The following PKD1 variants were observed in gnomAD, a reference collection of about 807,000 sequenced individuals.
PKD1 encodes the protein polycystin 1, transient receptor potential channel interacting, also known as polycystin-1.
Under a neutral mutation model 361.7 loss-of-function variants are expected in PKD1, and 81 were observed. That is an observed-to-expected ratio of 0.22 (90% CI 0.19 to 0.27). The LOEUF is 0.27. Among genes scored for constraint, PKD1 ranks in the 10% least tolerant of loss-of-function variants. PKD1 has a pLI of 1.00. For missense variants in PKD1, 6,399 were observed against 6,118.3 expected (o/e 1.05, Z -1.53); for synonymous variants, 3,615 against 2,818.3 (o/e 1.28, Z -8.95).
intron 34 of PKD1, chr16:2,094,972 C>G (rs1039583781): frequency 6.6e-6 from 1 of 152,176 alleles, no homozygotes; most frequent in African/African-American, 2.4e-5. Context: ...TGCTGTCTCT[C>G]GGAGGATAAA....
chr16:2,101,999 G>C (rs1320477294), intron 26 of PKD1, 62 bp downstream of exon 26: 10 of 1,057,262 alleles, frequency 9.5e-6, no homozygotes, highest in Middle Eastern at 2.9e-4. Flanking sequence ...CACTCCCAGA[G>C]GGTGCAACCA....
Position 2,109,079 on chromosome 16 carries a change from G to A in PKD1, c.6088C>T (p.Pro2030Ser), listed in dbSNP as rs372969038. Residue 2030 changes from proline (P) to serine (S), a missense_variant, in exon 15 of 46, where the codon CCC (proline) becomes TCC (serine). Pro to Ser is a moderately conservative substitution (Grantham distance 74, BLOSUM62 -1). Coordinates refer to ENST00000262304, the MANE Select transcript of PKD1 (RefSeq NM_001009944.3). Reference sequence around the variant, plus strand: ...ATCTCCAACAGCCCCGCGGCCACGGGCGTGTAGGTGACGTCGCGGCCCGAC... The same window carrying A: ...ATCTCCAACAGCCCCGCGGCCACGGACGTGTAGGTGACGTCGCGGCCCGAC... ...ILSGRDVTYT[P>S]VAAGLLEIQV... The A allele has an allele frequency of 9.3e-6, 15 of 1,604,412 alleles. No individual in the cohort carries two copies. Among genetic ancestry groups the A allele is most frequent in the Non-Finnish European group, 1.2e-5 (14 of 1,174,282 alleles).
intron 26 of PKD1, 146 bp downstream of exon 26, chr16:2,101,915 T>C (rs1446165662): frequency 1.2e-5 from 8 of 668,836 alleles, no homozygotes; most frequent in Non-Finnish European, 2.2e-5. Context: ...CACGAGGTCA[T>C]TCCCAGGATG....
Position 2,090,763 on chromosome 16 carries a change from T to C in PKD1, c.12049A>G (p.Lys4017Glu), listed in dbSNP as rs1174872685. ...RFVRQWSVFG[K>E]TLCRALPELL... is the part of the protein sequence containing the mutation. ...TCTGGCAGAGCTCGGCATAATGTCT[T>C]GCCAAAGACGGACCACTGGCGCACG... is the stretch of plus-strand genomic sequence containing the variant. The change falls in exon 44 of 46, where the codon AAG (lysine) becomes GAG (glutamate). Residue 4017 changes from lysine (K) to glutamate (E), a missense_variant. By Grantham distance (56) the Lys-to-Glu change is moderately conservative. Transcript: ENST00000262304. 4 of 1,612,600 alleles carry C rather than the reference T, an allele frequency of 2.5e-6. No homozygotes were observed. The South Asian group carries it at 4.4e-5, about 18-fold the overall frequency.
intron 10 of PKD1, 73 bp downstream of exon 10, chr16:2,115,305 C>T: frequency 1.4e-6 from 2 of 1,395,732 alleles, no homozygotes; most frequent in Non-Finnish European, 2.0e-6. Context: ...GTGCACAGAC[C>T]CAGACCCTGG....
chr16:2,130,935 G>C (rs933732530), intron 1 of PKD1, among the ~76,000 whole-genome samples: 123 of 152,222 alleles, frequency 8.1e-4, no homozygotes, highest in Non-Finnish European at 1.7e-3. Context: ...CCCCCAGCCA[G>C]GGTGAGTGGC....
Position 2,108,586 on chromosome 16 carries a change from C to A in PKD1, c.6581G>T (p.Ser2194Ile), listed in dbSNP as rs746345610. ...CGCTGGGCGCCCCGGCCGCTGGCAG[C>A]TGGCGGTGCGATACACCTCCCAGCG... ...EYRWEVYRTASCQRPGRPARV... is the reference protein window; with the variant it reads ...EYRWEVYRTAICQRPGRPARV... Residue 2194 changes from serine to isoleucine, a missense_variant, in exon 15 of 46, where the codon AGC (serine) becomes ATC (isoleucine). Physicochemically the swap from Ser to Ile is moderately radical, Grantham distance 142. Transcript: ENST00000262304. The A allele has an allele frequency of 2.6e-6, 4 of 1,558,622 alleles. 1 individual carries two copies. The South Asian group carries it at 4.7e-5, about 18-fold the overall frequency.
At position 2,114,262 on chromosome 16, in the gene PKD1, T is replaced by C; in HGVS notation, c.2761A>G (p.Asn921Asp). Residue 921 changes from asparagine (N) to aspartate (D), a missense_variant, in exon 11 of 46, where the codon AAC (asparagine) becomes GAC (aspartate). By Grantham distance (23) the Asn-to-Asp change is conservative (BLOSUM62 1). Transcript: ENST00000262304. ...TCCGCCGTCACCCGCAGGCTGAGGT[T>C]GGCCCGGCTGGCGCTGTTTTCCACC... ...VVVENSASRANLSLRVTAEEP... is the reference protein window; with the variant it reads ...VVVENSASRADLSLRVTAEEP... The C allele has an allele frequency of 1.9e-6, 3 of 1,610,356 alleles. No homozygotes were observed. The highest frequency in any genetic ancestry group is 2.5e-6 in the Non-Finnish European group (3 of 1,179,626).
intron 38 of PKD1, 123 bp downstream of exon 38, chr16:2,092,831 A>T: frequency 8.2e-7 from 1 of 1,215,386 alleles, no homozygotes; most frequent in Non-Finnish European, 1.2e-6. Context: ...TGCCAGCAGC[A>T]CCTACCTCCA....
Position 2,102,933 on chromosome 16 carries a change from T to G in PKD1, c.8829A>C (p.Ala2943=). ...YLSEEPEPYL[A]VYLHSEPRPN... ...GCCGGGGCTCCGAGTGTAGGTAGAC[T>G]GCCAGGTAGGGCTCAGGTTCCTCAG... The change falls in exon 24 of 46, where the codon GCA becomes GCC. Residue 2943 remains alanine (A), a synonymous_variant. Transcript: ENST00000262304. 4 of 1,608,612 alleles carry G rather than the reference T, an allele frequency of 2.5e-6. No homozygotes were observed. Among genetic ancestry groups the G allele is most frequent in the Non-Finnish European group, 3.4e-6 (4 of 1,179,760 alleles).
rs755484175 is a variant in PKD1, at chr16:2,089,683, G to A, written c.*44C>T. The A allele has an allele frequency of 6.5e-6, 10 of 1,549,834 alleles. No homozygotes were observed. In the East Asian group the frequency reaches 2.2e-4, roughly 34 times the overall value. ...CAGCGGCAGAAAGTAATACTGAGCG[G>A]TGTCCACTCCGACTCCACGGCCCAC... On this transcript the variant is annotated 3_prime_UTR_variant, in exon 46 of 46. Transcript: ENST00000262304.
intron 1 of PKD1, among the ~76,000 whole-genome samples, chr16:2,120,536 T>C (rs967101900): frequency 6.6e-6 from 1 of 152,058 alleles, no homozygotes. Context: ...ACCCCATCTC[T>C]ACAAGGAAAA....
rs540275332 is a variant in PKD1 at position 2,093,498 on chromosome 16, G to C, written c.11016+46C>G. The C allele has an allele frequency of 2.6e-6, 4 of 1,534,510 alleles. No homozygotes were observed. In the Admixed American group the frequency reaches 7.6e-5, roughly 29 times the overall value. On this transcript the variant is annotated intron_variant, in intron 37 of 45. Coordinates refer to ENST00000262304, the MANE Select transcript of PKD1 (RefSeq NM_001009944.3). The stretch of plus-strand genomic sequence containing the variant: ...CTGCGTGCATGGGTGGGAGGTGGGA[G>C]ACAAGAGACGGAGGTGGCAGGGGCA...
At chr16:2,129,537 T>C (rs1419369762) in intron 1 of PKD1, among the ~76,000 whole-genome samples, 2 of 145,508 alleles carry the variant, frequency 1.4e-5, no homozygotes, top group African/African-American at 2.6e-5. Context: ...GTTCAGATCC[T>C]GTGATTTTTT....
chr16:2,099,860 C>A lies in PKD1; in HGVS notation c.9923+1G>T, dbSNP rs769468612. On this transcript the variant is annotated splice_donor_variant, in intron 29 of 45. Coordinates refer to ENST00000262304, the MANE Select transcript of PKD1 (RefSeq NM_001009944.3). LOFTEE classifies it high-confidence loss of function. ...GCTGCCCCGACCCCTACGGCACCCA[C>A]CTGTAGGCAGAGTCGCCAACAGCCC... 6.4e-7 allele frequency: 1 copy of A among 1,566,002 alleles called. No individual in the cohort carries two copies. The highest frequency in any genetic ancestry group is 8.6e-7 in the Non-Finnish European group (1 of 1,156,580).
At chr16:2,092,890 G>T (rs1231857315) in intron 38 of PKD1, 64 bp downstream of exon 38, 2 of 1,588,236 alleles carry the variant, frequency 1.3e-6, no homozygotes, top group African/African-American at 1.3e-5. Context: ...GTCCCCTAGG[G>T]TCTGGCTGGA....
chr16:2,103,463 C>G lies in PKD1; in HGVS notation c.8594G>C (p.Arg2865Pro). Residue 2865 changes from arginine to proline, a missense_variant, in exon 23 of 46, where the codon CGG (arginine) becomes CCG (proline). Coordinates refer to ENST00000262304, the MANE Select transcript of PKD1 (RefSeq NM_001009944.3). ...GGTGATGGCGCGCTCTGAGGCCAGC[C>G]GCTCGATGGGGATCTGGGCGCCGGC... ...TQAGAQIPIERLASERAITVK... is the reference protein window; with the variant it reads ...TQAGAQIPIEPLASERAITVK... 6.2e-7 allele frequency: 1 copy of G among 1,600,150 alleles called. No homozygotes were observed. The highest frequency in any genetic ancestry group is 8.5e-7 in the Non-Finnish European group (1 of 1,179,604).
At position 2,133,733 on chromosome 16, in the gene PKD1, CAT is replaced by C. The variant is rs1226487723; in HGVS notation, c.215+1740_215+1741del. On this transcript the variant is annotated intron_variant, in intron 1 of 45. Transcript: ENST00000262304. ...GTACAGAACAGCACCCACCTGCCCA[CAT>C]GAGGTCACCCTGTGCCCTGTTGCAC... Among the ~76,000 whole-genome samples the C allele has an allele frequency of 7.2e-3, 1,087 of 151,138 alleles. 12 individuals are homozygous for C. The highest frequency in any genetic ancestry group is 0.025 in the African/African-American group (1,029 of 40,682).
In PKD1 at chr16:2,091,573, G is replaced by A. The variant is rs2091580054; in HGVS notation, c.11562C>T (p.Leu3854=). ...GCCCCACGGCCGGGCTGTAGCGCGT[G>A]AGCTCCAGGAACACAGCGCGGCTCC... The part of the protein sequence containing the change: ...DNRSRAVFLE[L]TRYSPAVGLH... The change falls in exon 42 of 46, where the codon CTC becomes CTT. Residue 3854 remains leucine (L), a synonymous_variant. Coordinates refer to ENST00000262304, the MANE Select transcript of PKD1 (RefSeq NM_001009944.3). 1.3e-6 allele frequency: 2 copies of A among 1,549,590 alleles called. No individual in the cohort carries two copies. Among genetic ancestry groups the A allele is most frequent in the South Asian group, 1.2e-5 (1 of 84,442 alleles).
Sources: gnomAD v4.1 joint callset for allele counts (sites outside exome capture counted in the v4.1 genomes callset) on GRCh38, gnomAD v4.1.1 for gene constraint, MANE v1.5 for transcripts, NCBI Gene and HGNC (gene_info 2026-07-23, HGNC 2026-07-21) for gene names.